PPM1L: variants seen among roughly 807,000 people sequenced by gnomAD.
The protein encoded by PPM1L is protein phosphatase, Mg2+/Mn2+ dependent 1L, also known as protein phosphatase 1L.
In PPM1L, 13 loss-of-function variants were observed where a neutral mutation model predicts 31.4. The ratio of observed to expected loss-of-function variants is 0.41; its 90% CI spans 0.27 to 0.66. The LOEUF (loss-of-function observed/expected upper bound fraction) is 0.66, where lower values mean the gene tolerates loss of function less well. Among genes scored for constraint, PPM1L ranks in the 30% least tolerant of loss-of-function variants. The pLI is 0.29. For missense variants in PPM1L, 326 were observed against 453.7 expected (o/e 0.72, Z 2.56); for synonymous variants, 184 against 175.4 (o/e 1.05, Z -0.39).
At chr3:160,835,529 G>A (rs1713689434) in intron 1 of PPM1L, among the ~76,000 whole-genome samples, 1 of 151,902 alleles carries the variant, frequency 6.6e-6, no homozygotes, top group African/African-American at 2.4e-5. Context: ...CACATCTATA[G>A]CTTTTATTCC....
chr3:160,805,138 T>C (rs1377396459), intron 1 of PPM1L, among the ~76,000 whole-genome samples: 3 of 152,230 alleles, frequency 2.0e-5, no homozygotes, highest in Non-Finnish European at 4.4e-5. Flanking sequence ...ATCTGTGATT[T>C]TTTATTACTA....
chr3:160,859,227 G>C (rs1209628265), intron 1 of PPM1L, among the ~76,000 whole-genome samples: 1 of 152,160 alleles, frequency 6.6e-6, no homozygotes, highest in Non-Finnish European at 1.5e-5. Context: ...CTTTTCAGGT[G>C]TTTCTCCAGT....
intron 2 of PPM1L, among the ~76,000 whole-genome samples, chr3:161,028,050 G>C (rs368191938): frequency 6.6e-6 from 1 of 152,166 alleles, no homozygotes; most frequent in Admixed American, 6.5e-5. Context: ...CTAGGAATCA[G>C]ACCCAAAACC....
At chr3:161,050,077 C>A (rs528999255) in intron 2 of PPM1L, among the ~76,000 whole-genome samples, 2 of 152,300 alleles carry the variant, frequency 1.3e-5, no homozygotes, top group South Asian at 4.1e-4. Context: ...GTCAGCAAAC[C>A]CAGAGCTTTC....
chr3:161,007,919 G>A (rs540207985), intron 2 of PPM1L, among the ~76,000 whole-genome samples: 1 of 152,204 alleles, frequency 6.6e-6, no homozygotes, highest in Non-Finnish European at 1.5e-5. Flanking sequence ...GAGAGGTGGT[G>A]GTGGCTGAGA....
chr3:160,939,354 C>G (rs913985123), intron 1 of PPM1L, among the ~76,000 whole-genome samples: 1 of 152,170 alleles, frequency 6.6e-6, no homozygotes, highest in Non-Finnish European at 1.5e-5. Context: ...TACTCTCCAC[C>G]TGGATTGCTA....
At chr3:161,034,002 A>T (rs1406291176) in intron 2 of PPM1L, among the ~76,000 whole-genome samples, 1 of 152,202 alleles carries the variant, frequency 6.6e-6, no homozygotes, top group Non-Finnish European at 1.5e-5. Flanking sequence ...ACAAGAAAAA[A>T]GCAAACAACC....
intron 1 of PPM1L, among the ~76,000 whole-genome samples, chr3:160,840,537 A>G (rs972648678): frequency 6.6e-6 from 1 of 152,162 alleles, no homozygotes; most frequent in South Asian, 2.1e-4. Flanking sequence ...TGAAGAACCC[A>G]GGAAGCCAGT....
intron 1 of PPM1L, among the ~76,000 whole-genome samples, chr3:160,935,424 G>T (rs1461183858): frequency 1.3e-5 from 2 of 152,192 alleles, no homozygotes; most frequent in Non-Finnish European, 2.9e-5. Flanking sequence ...ATCTGTATGT[G>T]TATATAAATG....
chr3:160,876,094 T>G (rs573343722), intron 1 of PPM1L, among the ~76,000 whole-genome samples: 2 of 152,326 alleles, frequency 1.3e-5, no homozygotes, highest in South Asian at 4.1e-4. Context: ...GGTGGAACCT[T>G]CTTTCATCAA....
At chr3:160,770,320 A>G (rs930680776) in intron 1 of PPM1L, among the ~76,000 whole-genome samples, 27 of 152,272 alleles carry the variant, frequency 1.8e-4, no homozygotes, top group African/African-American at 6.3e-4. Context: ...GGATGTTATC[A>G]TGTTCCTGTG....
rs35386910 is a variant in PPM1L at position 160,786,207 on chromosome 3, A to AT, written c.399+29528dup. ...TGTGTGTATATATATATATATATATATTTTTTTTTTTTTTTTTTTTTTTTT... is the reference window on the plus strand; with the variant it reads ...TGTGTGTATATATATATATATATATATTTTTTTTTTTTTTTTTTTTTTTTTT... On this transcript the variant is annotated intron_variant, in intron 1 of 3. Transcript: ENST00000498165. 4.2e-3 allele frequency among the ~76,000 whole-genome samples: 131 copies of AT among 30,894 alleles called. 11 individuals carry two copies. Among genetic ancestry groups the AT allele is most frequent in the Non-Finnish European group, 4.8e-3 (101 of 21,206 alleles). 20.3% of individuals were successfully genotyped at this position (30,894 alleles called of 152,430 possible). A position where few individuals can be genotyped will look rare whatever the true frequency, so the allele number is the denominator to read the frequency against.
At chr3:160,814,040 C>G (rs1029297745) in intron 1 of PPM1L, among the ~76,000 whole-genome samples, 1 of 152,138 alleles carries the variant, frequency 6.6e-6, no homozygotes, top group Non-Finnish European at 1.5e-5. Flanking sequence ...GGCGTTTTAT[C>G]TTTTAAAAAC....
At chr3:160,954,917 TTCCTTCTTTCC>T (rs1715699738) in intron 1 of PPM1L, among the ~76,000 whole-genome samples, 1 of 116,766 alleles carries the variant, frequency 8.6e-6, no homozygotes, top group African/African-American at 3.2e-5. Flanking sequence ...CCTTCCTTCC[TTCCTTCTTTCC>T]TTCCTTCCTT....
chr3:160,838,753 A>AAGATGGAATT (rs1320170008), intron 1 of PPM1L, among the ~76,000 whole-genome samples: 3 of 152,154 alleles, frequency 2.0e-5, no homozygotes, highest in South Asian at 2.1e-4. Context: ...GAATTAGAGT[A>AAGATGGAATT]AGAGTTGCCA....
intron 1 of PPM1L, among the ~76,000 whole-genome samples, chr3:160,829,498 A>G (rs1713455793): frequency 6.6e-6 from 1 of 152,186 alleles, no homozygotes. Flanking sequence ...AGGCTGCTAG[A>G]CAACTCACTC....
chr3:160,793,891 C>T (rs867315056), intron 1 of PPM1L, among the ~76,000 whole-genome samples: 21 of 152,160 alleles, frequency 1.4e-4, no homozygotes, highest in African/African-American at 5.1e-4. Flanking sequence ...CAACTGAATC[C>T]TGATTGGTTG....
intron 2 of PPM1L, among the ~76,000 whole-genome samples, chr3:161,001,477 T>A (rs1046504328): frequency 5.3e-5 from 8 of 152,150 alleles, no homozygotes; most frequent in Middle Eastern, 3.4e-3. Context: ...GAGACTGGGT[T>A]TTTCCATTGG....
chr3:161,062,980 C>G (rs149468079), intron 2 of PPM1L, among the ~76,000 whole-genome samples: 152 of 152,140 alleles, frequency 1.0e-3, no homozygotes, highest in African/African-American at 3.5e-3. Context: ...CTAGAAAGTG[C>G]AGAGTGAGAA....
Sources: allele counts gnomAD v4.1 joint callset (sites outside exome capture counted in the v4.1 genomes callset), GRCh38; gene constraint gnomAD v4.1.1; transcripts MANE v1.5; gene names NCBI Gene and HGNC (gene_info 2026-07-23, HGNC 2026-07-21).